The following MAST3 variants were observed in gnomAD, a reference collection of about 807,000 sequenced individuals.
The protein encoded by MAST3 is microtubule associated serine/threonine kinase 3, also known as microtubule-associated serine/threonine-protein kinase 3.
In MAST3, 43 loss-of-function variants were observed where a neutral mutation model predicts 127.0. The observed-to-expected ratio is 0.34, with a 90% CI of 0.27 to 0.44. The LOEUF is 0.44. Ranked by LOEUF, MAST3 falls within the 20% of genes least tolerant of loss-of-function variation. The pLI is 1.00. For missense variants in MAST3, 1,390 were observed against 1,919.1 expected (o/e 0.72, Z 5.15); for synonymous variants, 785 against 809.2 (o/e 0.97, Z 0.51).
chr19:18,137,464 C>T (rs1272707640), intron 19 of MAST3, 103 bp downstream of exon 19: 4 of 1,336,572 alleles, frequency 3.0e-6, no homozygotes, highest in Non-Finnish European at 4.1e-6. Flanking sequence ...GAGCTTGGCA[C>T]CTCACCTTAG....
chr19:18,144,566 T>C lies in MAST3; in HGVS notation c.2685T>C (p.Leu895=). 2 of 1,609,996 alleles carry C rather than the reference T, an allele frequency of 1.2e-6. No homozygotes were observed. The highest frequency in any genetic ancestry group is 1.7e-6 in the Non-Finnish European group (2 of 1,178,946). ...TGGATGCCGGCCGGGGCCGCCGCCT[T>C]GGGGGCCCAAGAGACCCAGCCCCTG... is the stretch of plus-strand genomic sequence containing the variant. The part of the protein sequence containing the change: ...RPLDAGRGRR[L]GGPRDPAPEK... Residue 895 remains leucine, a synonymous_variant, in exon 23 of 28, where the codon CTT becomes CTC. Transcript: ENST00000687212. This position sits in a 1 kb window ranked among gnomAD's most constrained non-coding sequence, Gnocchi z 4.0.
chr19:18,144,063 G>T lies in MAST3; in HGVS notation c.2584+56G>T. ...GTCATGGAAGTTTCCCAGAGGAGGG[G>T]CTATTTGAGATGGGTTTTCAAGGAT... On this transcript the variant is annotated intron_variant, in intron 22 of 27. Coordinates refer to ENST00000687212, the MANE Select transcript of MAST3 (RefSeq NM_001393504.1). The surrounding 1 kb of genome is among the most constrained non-coding windows in gnomAD (Gnocchi z 4.0). 2 of 1,533,732 alleles carry T rather than the reference G, an allele frequency of 1.3e-6. No homozygotes were observed. The highest frequency in any genetic ancestry group is 4.9e-5 in the East Asian group (2 of 40,822).
intron 1 of MAST3, among the ~76,000 whole-genome samples, chr19:18,105,935 G>T (rs139303325): frequency 6.6e-6 from 1 of 152,132 alleles, no homozygotes. Flanking sequence ...AGAGAATGGC[G>T]TTCAGACCTA....
chr19:18,145,698 T>C lies in MAST3; in HGVS notation c.3040-45T>C. ...CCCAGCCTGGGCTGGGGTCCCCAGA[T>C]GTGGGGCCCAGGCCATTGACCCCAC... On this transcript the variant is annotated intron_variant, in intron 24 of 27. Coordinates refer to ENST00000687212, the MANE Select transcript of MAST3 (RefSeq NM_001393504.1). The surrounding 1 kb of genome is among the most constrained non-coding windows in gnomAD (Gnocchi z 5.9). 6.6e-7 allele frequency: 1 copy of C among 1,518,778 alleles called. No homozygotes were observed. Among genetic ancestry groups the C allele is most frequent in the African/African-American group, 1.4e-5 (1 of 70,456 alleles). The allele number at this position is 1,518,778 out of a possible 1,614,324, so 94.1% of individuals were successfully genotyped here. A position where few individuals can be genotyped will look rare whatever the true frequency, so the allele number is the denominator to read the frequency against.
Position 18,144,338 on chromosome 19 carries a change from G to A in MAST3, c.2585-128G>A, listed in dbSNP as rs1260750527. The stretch of plus-strand genomic sequence containing the variant: ...TTTGGGAAGGGAGTGCAGGAAGAGG[G>A]AACTGCATGAGCAAAGGCCAGGAGG... On this transcript the variant is annotated intron_variant, in intron 22 of 27. Coordinates refer to ENST00000687212, the MANE Select transcript of MAST3 (RefSeq NM_001393504.1). The surrounding 1 kb of genome is among the most constrained non-coding windows in gnomAD (Gnocchi z 4.0). The A allele has an allele frequency of 9.7e-6, 8 of 822,726 alleles. No homozygotes were observed. In the African/African-American group the frequency reaches 1.4e-4, roughly 14 times the overall value. 51.0% of individuals were successfully genotyped at this position (822,726 alleles called of 1,614,324 possible). A position where few individuals can be genotyped will look rare whatever the true frequency, so the allele number is the denominator to read the frequency against.
At position 18,121,923 on chromosome 19, in the gene MAST3, G is replaced by A. The variant is rs1268489021; in HGVS notation, c.320+1G>A. The stretch of plus-strand genomic sequence containing the variant: ...CCCTAAATTTCCCCTTTGCCCGGAG[G>A]TGAGTGATTGCCGGCTTTGGGAGAC... On this transcript the variant is annotated splice_donor_variant, in intron 5 of 27. Transcript: ENST00000687212. LOFTEE classifies it high-confidence loss of function. The A allele has an allele frequency of 6.2e-7, 1 of 1,614,040 alleles. No homozygotes were observed. The highest frequency in any genetic ancestry group is 8.5e-7 in the Non-Finnish European group (1 of 1,179,902).
chr19:18,101,485 C>G lies in MAST3; in HGVS notation c.39+3654C>G, dbSNP rs144059634. On this transcript the variant is annotated intron_variant, in intron 1 of 27. Transcript: ENST00000687212. ...ACTTCCAACCGGGCTTGGTGCCCAG[C>G]AGGCTGAGTCTCACCTCCCTTTGCA... Among the ~76,000 whole-genome samples, 382 of 152,228 alleles carry G rather than the reference C, an allele frequency of 2.5e-3. 3 individuals are homozygous for G. The highest frequency in any genetic ancestry group is 9.0e-3 in the African/African-American group (374 of 41,550).
In MAST3 at chr19:18,145,389, C is replaced by T. The variant is rs1475982319; in HGVS notation, c.3039+160C>T. 6.6e-6 allele frequency among the ~76,000 whole-genome samples: 1 copy of T among 152,104 alleles called. No individual in the cohort carries two copies. The highest frequency in any genetic ancestry group is 1.5e-5 in the Non-Finnish European group (1 of 68,022). On this transcript the variant is annotated intron_variant, in intron 24 of 27. Transcript: ENST00000687212. The surrounding 1 kb of genome is among the most constrained non-coding windows in gnomAD (Gnocchi z 5.9). The stretch of plus-strand genomic sequence containing the variant: ...CCCTGTCATTTGGCAGGGAGGAGGT[C>T]AGATGAGAGAGACAAGGATGGATGG...
At position 18,149,518 on chromosome 19, in the gene MAST3, C is replaced by G; in HGVS notation, c.3836C>G (p.Thr1279Ser). The change falls in exon 28 of 28, where the codon ACT becomes AGT. Residue 1279 changes from threonine to serine, a missense_variant. By Grantham distance (58) the Thr-to-Ser change is moderately conservative (BLOSUM62 1). Transcript: ENST00000687212. This position sits in a 1 kb window ranked among gnomAD's most constrained non-coding sequence, Gnocchi z 5.9. ...ERLDGEAGRR[T>S]RGPEAELVVM... ...CTGGATGGGGAGGCGGGGCGGCGCACTCGTGGGCCAGAGGCCGAGCTCGTG... is the reference window on the plus strand; with the variant it reads ...CTGGATGGGGAGGCGGGGCGGCGCAGTCGTGGGCCAGAGGCCGAGCTCGTG... 6.4e-7 allele frequency: 1 copy of G among 1,551,962 alleles called. No individual in the cohort carries two copies. Among genetic ancestry groups the G allele is most frequent in the Non-Finnish European group, 8.7e-7 (1 of 1,148,366 alleles).
Position 18,104,179 on chromosome 19 carries a change from C to CAAAAAAAAAA in MAST3, c.40-3377_40-3368dup, listed in dbSNP as rs56347763. 2.8e-4 allele frequency among the ~76,000 whole-genome samples: 12 copies of CAAAAAAAAAA among 43,484 alleles called. 2 individuals carry two copies. Among genetic ancestry groups the CAAAAAAAAAA allele is most frequent in the African/African-American group, 1.1e-3 (10 of 8,858 alleles). The allele number at this position is 43,484 out of a possible 152,430, so 28.5% of individuals were successfully genotyped here. On this transcript the variant is annotated intron_variant, in intron 1 of 27. Coordinates refer to ENST00000687212, the MANE Select transcript of MAST3 (RefSeq NM_001393504.1). ...TGGGCGACATAGCCAGACGCTGTCT[C>CAAAAAAAAAA]AAAAAAAAAAAAAAAAAAAAAAAAA...
intron 14 of MAST3, 128 bp downstream of exon 14, chr19:18,130,830 C>T: frequency 1.1e-6 from 1 of 932,258 alleles, no homozygotes; most frequent in Non-Finnish European, 1.6e-6. Flanking sequence ...TTTGGGGAAC[C>T]CTCAGGAACC....
In MAST3 at chr19:18,145,973, T is replaced by G; in HGVS notation, c.3162+108T>G. 1 of 1,341,108 alleles carries G rather than the reference T, an allele frequency of 7.5e-7. No homozygotes were observed. The highest frequency in any genetic ancestry group is 9.9e-7 in the Non-Finnish European group (1 of 1,012,488). The allele number at this position is 1,341,108 out of a possible 1,614,324, so 83.1% of individuals were successfully genotyped here. A position where few individuals can be genotyped will look rare whatever the true frequency, so the allele number is the denominator to read the frequency against. ...CAGACACACAACCCCACATTCAATG[T>G]CAACTCCAGGCCTGGCACATCCACT... On this transcript the variant is annotated intron_variant, in intron 25 of 27. Coordinates refer to ENST00000687212, the MANE Select transcript of MAST3 (RefSeq NM_001393504.1). This position sits in a 1 kb window ranked among gnomAD's most constrained non-coding sequence, Gnocchi z 5.9.
intron 3 of MAST3, among the ~76,000 whole-genome samples, chr19:18,116,047 C>T (rs117781820): frequency 0.026 from 3,871 of 150,350 alleles, 116 homozygotes; most frequent in Admixed American, 0.076. Context: ...TTGCAGTGTT[C>T]TCTCCTTTCT....
intron 20 of MAST3, among the ~76,000 whole-genome samples, chr19:18,139,694 C>T (rs1049734881): frequency 6.6e-6 from 1 of 152,178 alleles, no homozygotes; most frequent in Non-Finnish European, 1.5e-5. Flanking sequence ...AACTCTTGAC[C>T]TCATGATCTG....
chr19:18,122,256 C>T lies in MAST3; in HGVS notation c.320+334C>T, dbSNP rs149894287. On this transcript the variant is annotated intron_variant, in intron 5 of 27. Coordinates refer to ENST00000687212, the MANE Select transcript of MAST3 (RefSeq NM_001393504.1). ...GATTGAGCACCTGTCATGTGCCAGA[C>T]GCTTGCATTTCATTTATTTATTCAT... 1,236 of 424,010 alleles carry T rather than the reference C, an allele frequency of 2.9e-3. 2 individuals are homozygous for T. The highest frequency in any genetic ancestry group is 3.4e-3 in the Non-Finnish European group (1,078 of 316,558). The allele number at this position is 424,010 out of a possible 1,614,324, so 26.3% of individuals were successfully genotyped here. A position where few individuals can be genotyped will look rare whatever the true frequency, so the allele number is the denominator to read the frequency against.
At position 18,145,357 on chromosome 19, in the gene MAST3, T is replaced by C; in HGVS notation, c.3039+128T>C. The C allele has an allele frequency of 1.2e-6, 1 of 839,342 alleles. No homozygotes were observed. Among genetic ancestry groups the C allele is most frequent in the Non-Finnish European group, 1.9e-6 (1 of 515,378 alleles). The allele number at this position is 839,342 out of a possible 1,614,324, so 52.0% of individuals were successfully genotyped here. On this transcript the variant is annotated intron_variant, in intron 24 of 27. Coordinates refer to ENST00000687212, the MANE Select transcript of MAST3 (RefSeq NM_001393504.1). This position sits in a 1 kb window ranked among gnomAD's most constrained non-coding sequence, Gnocchi z 5.9. ...GATAGAGCTGGTGCCACCGAGTTCA[T>C]CTCGGTCCCTGTCATTTGGCAGGGA...
intron 20 of MAST3, among the ~76,000 whole-genome samples, chr19:18,140,743 C>A (rs909095646): frequency 6.6e-5 from 10 of 152,150 alleles, no homozygotes; most frequent in African/African-American, 2.4e-4. Context: ...CTTTGATGCA[C>A]ATTTGGGTCT....
At chr19:18,133,419 G>T (rs2384858) in intron 15 of MAST3, among the ~76,000 whole-genome samples, 76,848 of 151,842 alleles carry the variant, frequency 0.51, 19,714 homozygotes, top group East Asian at 0.68. Context: ...AGTCTTTGTC[G>T]CCCGGGCTGG....
At chr19:18,108,492 G>T (rs1479885376) in intron 2 of MAST3, among the ~76,000 whole-genome samples, 1 of 151,734 alleles carries the variant, frequency 6.6e-6, no homozygotes, top group African/African-American at 2.4e-5. Context: ...TCCCGCCTCA[G>T]CCTCCAGAGT....
Sources: allele counts gnomAD v4.1 joint callset (sites outside exome capture counted in the v4.1 genomes callset), GRCh38; gene constraint gnomAD v4.1.1; non-coding constraint Gnocchi (gnomAD v3.1); transcripts MANE v1.5; gene names NCBI Gene and HGNC (gene_info 2026-07-23, HGNC 2026-07-21).